The following ZNF331 variants were observed in gnomAD, a reference collection of about 807,000 sequenced individuals.
The protein encoded by ZNF331 is zinc finger protein 331, also known as C2H2-like zinc finger protein rearranged in thyroid adenomas.
In ZNF331, 2 loss-of-function variants were observed where a neutral mutation model predicts 7.0. The ratio of observed to expected loss-of-function variants is 0.29; its 90% CI spans 0.12 to 0.90. The LOEUF (loss-of-function observed/expected upper bound fraction) is 0.90, where lower values mean the gene tolerates loss of function less well. Among genes scored for constraint, ZNF331 ranks in the 40% least tolerant of loss-of-function variants. ZNF331 has a pLI of 0.58. For synonymous variants in ZNF331, 196 were observed against 205.4 expected (o/e 0.95, Z 0.39); for missense variants, 432 against 587.7 (o/e 0.74, Z 2.74).
intron 2 of ZNF331, among the ~76,000 whole-genome samples, chr19:53,542,260 A>G (rs1373288798): frequency 6.6e-6 from 1 of 152,182 alleles, no homozygotes; most frequent in African/African-American, 2.4e-5. Flanking sequence ...ACATATTTCT[A>G]CCTTGTAGGA....
At chr19:53,524,053 G>A (rs1346634702) in intron 2 of ZNF331, among the ~76,000 whole-genome samples, 2 of 152,156 alleles carry the variant, frequency 1.3e-5, no homozygotes, top group African/African-American at 4.8e-5. Flanking sequence ...TCAGAATGAT[G>A]GTTTCCAGCT....
At chr19:53,505,392 T>G in the ZNF331 span, among the ~76,000 whole-genome samples, 1 of 152,130 alleles carries the variant, frequency 6.6e-6, no homozygotes, top group Non-Finnish European at 1.5e-5. Context: ...GGCTCCAGCC[T>G]CGTGCCATGT....
intron 2 of ZNF331, among the ~76,000 whole-genome samples, chr19:53,544,181 C>T (rs931125399): frequency 1.3e-5 from 2 of 149,126 alleles, no homozygotes; most frequent in African/African-American, 2.5e-5. Context: ...GAGTTGAGAT[C>T]ACGCCACTGC....
chr19:53,543,296 G>T (rs534909889), intron 2 of ZNF331, among the ~76,000 whole-genome samples: 1 of 152,042 alleles, frequency 6.6e-6, no homozygotes, highest in Non-Finnish European at 1.5e-5. Flanking sequence ...ACGGAGTCTC[G>T]CCCTGTCTCC....
intron 2 of ZNF331, among the ~76,000 whole-genome samples, chr19:53,525,639 G>A (rs976998231): frequency 2.6e-5 from 4 of 152,110 alleles, no homozygotes; most frequent in Admixed American, 6.5e-5. Flanking sequence ...TAATGTTGAC[G>A]TTGCATACTA....
chr19:53,507,201 C>G, the ZNF331 span, among the ~76,000 whole-genome samples: 1 of 152,120 alleles, frequency 6.6e-6, no homozygotes, highest in Non-Finnish European at 1.5e-5. Context: ...AGGCAGCCTC[C>G]ACCTAGAGGT....
At chr19:53,531,367 T>C (rs775832388) in intron 2 of ZNF331, among the ~76,000 whole-genome samples, 3 of 152,308 alleles carry the variant, frequency 2.0e-5, no homozygotes, top group Admixed American at 6.5e-5. Flanking sequence ...TGACCAAGTC[T>C]CTCTTCTGAA....
At position 53,532,245 on chromosome 19, in the gene ZNF331, C is replaced by T. The variant is rs2087570756; in HGVS notation, c.-204-6971C>T. Among the ~76,000 whole-genome samples, 4 of 152,164 alleles carry T rather than the reference C, an allele frequency of 2.6e-5. No individual in the cohort carries two copies. In the South Asian group the frequency reaches 8.3e-4, roughly 31 times the overall value. On this transcript the variant is annotated intron_variant, in intron 2 of 6. Transcript: ENST00000253144. ...CTTTGTAGCCATTCATCTCCCTATT[C>T]CCACCCCTGTCCCAGCCTCTGGTAA...
chr19:53,520,321 ACAGG>A (rs2087019055), upstream of ZNF331, among the ~76,000 whole-genome samples: 1 of 152,190 alleles, frequency 6.6e-6, no homozygotes, highest in Non-Finnish European at 1.5e-5. Context: ...TGCTGAGATT[ACAGG>A]CGTGATTTCT....
chr19:53,515,415 G>C (rs1054310074), upstream of ZNF331, among the ~76,000 whole-genome samples: 3 of 140,804 alleles, frequency 2.1e-5, no homozygotes, highest in African/African-American at 8.5e-5. Flanking sequence ...ACTTCAGTAA[G>C]ACAGCAGCAT....
chr19:53,558,489 G>A lies in ZNF331; in HGVS notation c.-74+2581G>A, dbSNP rs989828066. On this transcript the variant is annotated intron_variant, in intron 3 of 5. Coordinates refer to ENST00000449416, the MANE Select transcript of ZNF331 (RefSeq NM_001079906.2). This position sits in a 1 kb window ranked among gnomAD's most constrained non-coding sequence, Gnocchi z 4.5. The stretch of plus-strand genomic sequence containing the variant: ...GGATAGGTGTGACTGAAGCATGCAC[G>A]AATGTGTTGAAACGTGATTGGACAA... 2.0e-5 allele frequency among the ~76,000 whole-genome samples: 3 copies of A among 152,068 alleles called. No homozygotes were observed. Among genetic ancestry groups the A allele is most frequent in the Non-Finnish European group, 2.9e-5 (2 of 68,018 alleles).
At chr19:53,513,389 C>T in the ZNF331 span, among the ~76,000 whole-genome samples, 173 of 152,136 alleles carry the variant, frequency 1.1e-3, no homozygotes, top group Non-Finnish European at 1.3e-4. Context: ...AATTTTAATT[C>T]TCATATTGTT....
intron 3 of ZNF331, among the ~76,000 whole-genome samples, chr19:53,564,391 C>T (rs1457925378): frequency 2.6e-5 from 4 of 151,924 alleles, no homozygotes; most frequent in South Asian, 2.1e-4. Flanking sequence ...GCGATTCTCC[C>T]GCCTCAGCCT....
intron 5 of ZNF331, 80 bp from the exon 6 acceptor site, chr19:53,576,617 A>T: frequency 1.6e-6 from 2 of 1,231,338 alleles, no homozygotes; most frequent in Non-Finnish European, 2.3e-6. Context: ...TATTTCTATT[A>T]GACGAGTTTT....
chr19:53,508,978 T>G, the ZNF331 span, among the ~76,000 whole-genome samples: 6 of 152,128 alleles, frequency 3.9e-5, no homozygotes, highest in African/African-American at 7.2e-5. Flanking sequence ...CTAGGAGCAC[T>G]GAAGAATGGA....
chr19:53,510,950 AATT>A, the ZNF331 span, among the ~76,000 whole-genome samples: 22 of 152,096 alleles, frequency 1.4e-4, no homozygotes, highest in African/African-American at 5.3e-4. Context: ...CTAACTTGTA[AATT>A]ATTATCTCAT....
In ZNF331 at chr19:53,560,801, C is replaced by T. The variant is rs2147539843; in HGVS notation, c.-74+4893C>T. On this transcript the variant is annotated intron_variant, in intron 3 of 5. Transcript: ENST00000449416. This position sits in a 1 kb window ranked among gnomAD's most constrained non-coding sequence, Gnocchi z 4.3. ...GACCCTCCTCCTCTAAGTTTAAGGACTCTGGTCATTACATTGCGCTTGCTT... is the reference window on the plus strand; with the variant it reads ...GACCCTCCTCCTCTAAGTTTAAGGATTCTGGTCATTACATTGCGCTTGCTT... Among the ~76,000 whole-genome samples, 1 of 152,286 alleles carries T rather than the reference C, an allele frequency of 6.6e-6. No individual in the cohort carries two copies. Among genetic ancestry groups the T allele is most frequent in the South Asian group, 2.1e-4 (1 of 4,820 alleles).
chr19:53,535,257 AT>A (rs1304542535), upstream of ZNF331, among the ~76,000 whole-genome samples: 2 of 151,858 alleles, frequency 1.3e-5, no homozygotes, highest in Admixed American at 1.3e-4. Context: ...CATTCAGCTA[AT>A]TTTTGTATTT....
intron 3 of ZNF331, among the ~76,000 whole-genome samples, chr19:53,559,932 CACAT>C (rs775632141): frequency 2.7e-5 from 4 of 150,100 alleles, no homozygotes; most frequent in South Asian, 2.2e-4. Flanking sequence ...ACACCATACA[CACAT>C]ACATACACAC....
Sources: allele counts gnomAD v4.1 joint callset (sites outside exome capture counted in the v4.1 genomes callset), GRCh38; gene constraint gnomAD v4.1.1; non-coding constraint Gnocchi (gnomAD v3.1); transcripts MANE v1.5; gene names NCBI Gene and HGNC (gene_info 2026-07-23, HGNC 2026-07-21).